ST18: variants seen among roughly 807,000 people sequenced by gnomAD.
The protein encoded by ST18 is ST18 C2H2C-type zinc finger transcription factor, also known as suppression of tumorigenicity 18 protein.
In ST18, 50 loss-of-function variants were observed where a neutral mutation model predicts 110.0. That is an observed-to-expected ratio of 0.45 (90% CI 0.36 to 0.58). The LOEUF (loss-of-function observed/expected upper bound fraction) is 0.58. ST18 is among the 20% of genes least tolerant of loss of function. The pLI, the probability that ST18 is intolerant of heterozygous loss-of-function variation, is 0.00. For missense variants in ST18, 1,306 were observed against 1,280.1 expected (o/e 1.02, Z -0.31); for synonymous variants, 461 against 452.4 (o/e 1.02, Z -0.24).
At chr8:52,197,599 A>T (rs1187345782) in intron 8 of ST18, among the ~76,000 whole-genome samples, 1 of 152,226 alleles carries the variant, frequency 6.6e-6, no homozygotes, top group Non-Finnish European at 1.5e-5. Context: ...TAAAGTACAG[A>T]TGTCCTTCTG....
intron 2 of ST18, chr8:52,406,950 T>C (rs759572958): frequency 6.6e-6 from 1 of 152,186 alleles, no homozygotes; most frequent in Non-Finnish European, 1.5e-5. Flanking sequence ...GTAAAAGTAG[T>C]TCCAATTTGT....
intron 8 of ST18, among the ~76,000 whole-genome samples, chr8:52,204,846 G>A (rs2079367388): frequency 6.6e-6 from 1 of 152,142 alleles, no homozygotes; most frequent in African/African-American, 2.4e-5. Flanking sequence ...CTCAGCTCCT[G>A]TAATCTATTG....
chr8:52,162,556 G>A (rs998195107), intron 13 of ST18, among the ~76,000 whole-genome samples: 4 of 151,964 alleles, frequency 2.6e-5, no homozygotes, highest in South Asian at 4.2e-4. Flanking sequence ...ATATTTTATC[G>A]ATTGAATTGC....
intron 2 of ST18, among the ~76,000 whole-genome samples, chr8:52,245,771 C>T (rs1036379290): frequency 6.6e-6 from 1 of 152,124 alleles, no homozygotes; most frequent in Non-Finnish European, 1.5e-5. Flanking sequence ...AAGTTAGTTG[C>T]ACTGTATAAA....
chr8:52,166,884 C>A lies in ST18; in HGVS notation c.1172G>T (p.Gly391Val). The A allele has an allele frequency of 6.2e-7, 1 of 1,602,668 alleles. No homozygotes were observed. Among genetic ancestry groups the A allele is most frequent in the Non-Finnish European group, 8.5e-7 (1 of 1,171,814 alleles). Reference sequence around the variant, plus strand: ...GGGAACCCGCACTTTGTGGGGGCACCCCGAAAGGCTGCGGTGGTGCGGGTA... The same window carrying A: ...GGGAACCCGCACTTTGTGGGGGCACACCGAAAGGCTGCGGTGGTGCGGGTA... ...GLYPHHRSLS[G>V]CPHKVRVPLE... is the part of the protein sequence containing the mutation. The change falls in exon 11 of 26, where the codon GGG (glycine) becomes GTG (valine). Residue 391 changes from glycine to valine, a missense_variant. Transcript: ENST00000689386.
intron 16 of ST18, among the ~76,000 whole-genome samples, chr8:52,144,393 G>A (rs993405563): frequency 3.3e-5 from 5 of 151,794 alleles, no homozygotes; most frequent in Non-Finnish European, 7.4e-5. Context: ...GTAATTCTGA[G>A]TCTATATTCA....
chr8:52,285,664 G>A (rs1358399555), intron 2 of ST18, among the ~76,000 whole-genome samples: 1 of 152,214 alleles, frequency 6.6e-6, no homozygotes, highest in Non-Finnish European at 1.5e-5. Flanking sequence ...CCCCCAGAGG[G>A]ACTCAGGCTG....
chr8:52,207,334 TAAAC>T (rs1237715442), intron 8 of ST18, among the ~76,000 whole-genome samples: 24 of 151,868 alleles, frequency 1.6e-4, no homozygotes, highest in Admixed American at 1.4e-3. Flanking sequence ...GTACAGAAAA[TAAAC>T]AAAATTAGCT....
chr8:52,195,643 TG>T (rs1307327690), intron 8 of ST18, among the ~76,000 whole-genome samples: 1 of 152,180 alleles, frequency 6.6e-6, no homozygotes, highest in Admixed American at 6.5e-5. Context: ...GGATAAGTAC[TG>T]GGTTTTATTA....
Position 52,180,376 on chromosome 8 carries a change from C to G in ST18, c.87-64G>C. The G allele has an allele frequency of 3.2e-6, 5 of 1,574,496 alleles. No homozygotes were observed. In the African/African-American group the frequency reaches 4.0e-5, roughly 13 times the overall value. ...GCATTTACTGCTGTTTGGCATTTAACTTTCATGAAGTCTAACCTAAAGCCT... is the reference window on the plus strand; with the variant it reads ...GCATTTACTGCTGTTTGGCATTTAAGTTTCATGAAGTCTAACCTAAAGCCT... On this transcript the variant is annotated intron_variant, in intron 8 of 25. Transcript: ENST00000689386.
At chr8:52,327,839 C>A (rs913545230) in intron 2 of ST18, among the ~76,000 whole-genome samples, 4 of 152,338 alleles carry the variant, frequency 2.6e-5, no homozygotes, top group Middle Eastern at 3.4e-3. Context: ...AGGGCACACA[C>A]AAAGCCACTC....
At chr8:52,328,033 T>C (rs900764072) in intron 2 of ST18, among the ~76,000 whole-genome samples, 1 of 152,222 alleles carries the variant, frequency 6.6e-6, no homozygotes, top group African/African-American at 2.4e-5. Context: ...TTCAGGAACA[T>C]GAGAATAATC....
intron 2 of ST18, among the ~76,000 whole-genome samples, chr8:52,271,803 C>T (rs1022630190): frequency 3.9e-5 from 6 of 152,208 alleles, no homozygotes. Context: ...GTGGATTACA[C>T]AGACAAATGA....
rs897437083 is a variant in ST18 at position 52,113,115 on chromosome 8, C to T, written c.*83G>A. On this transcript the variant is annotated 3_prime_UTR_variant, in exon 26 of 26. Transcript: ENST00000689386. The stretch of plus-strand genomic sequence containing the variant: ...TAAATGCAGTACGGCAACCTCCACG[C>T]CTTAGCAGTACATGAACCTCTAACA... 2 of 1,547,052 alleles carry T rather than the reference C, an allele frequency of 1.3e-6. No individual in the cohort carries two copies. Among genetic ancestry groups the T allele is most frequent in the African/African-American group, 1.4e-5 (1 of 73,430 alleles).
intron 2 of ST18, among the ~76,000 whole-genome samples, chr8:52,310,941 C>G (rs114313627): frequency 0.012 from 1,781 of 152,282 alleles, 24 homozygotes; most frequent in African/African-American, 0.041. Flanking sequence ...ACCAGGAATG[C>G]CACAGACTGA....
intron 8 of ST18, among the ~76,000 whole-genome samples, chr8:52,200,847 G>T (rs2077724743): frequency 6.6e-6 from 1 of 152,178 alleles, no homozygotes; most frequent in African/African-American, 2.4e-5. Flanking sequence ...ACGGGAAGCA[G>T]GTGGGTATAT....
At chr8:52,143,434 G>A (rs773864389) in intron 16 of ST18, among the ~76,000 whole-genome samples, 1 of 151,960 alleles carries the variant, frequency 6.6e-6, no homozygotes, top group Non-Finnish European at 1.5e-5. Context: ...ACAGTGAGCC[G>A]AGATGGCTCC....
chr8:52,261,484 T>C lies in ST18; in HGVS notation c.-464-31407A>G, dbSNP rs566780537. ...ATTCAAGACCCTTTTTCATTCTCCT[T>C]GCTTGTTCTATGTTAACTTCAAAAT... On this transcript the variant is annotated intron_variant, in intron 2 of 25. Transcript: ENST00000689386. Among the ~76,000 whole-genome samples the C allele has an allele frequency of 6.6e-5, 10 of 152,352 alleles. No individual in the cohort carries two copies. In the South Asian group the frequency reaches 1.0e-3, roughly 16 times the overall value.
chr8:52,179,105 GA>G (rs1043339456), intron 9 of ST18, among the ~76,000 whole-genome samples: 6 of 151,896 alleles, frequency 4.0e-5, no homozygotes, highest in African/African-American at 9.7e-5. Context: ...TTCACATTCA[GA>G]AAAAAATCAT....
Sources: gnomAD v4.1 joint callset for allele counts (sites outside exome capture counted in the v4.1 genomes callset) on GRCh38, gnomAD v4.1.1 for gene constraint, MANE v1.5 for transcripts, NCBI Gene and HGNC (gene_info 2026-07-23, HGNC 2026-07-21) for gene names.